HUNK: variants seen among roughly 807,000 people sequenced by gnomAD.
HUNK encodes hormonally up-regulated neu tumor-associated kinase.
A neutral mutation model predicts 61.0 loss-of-function variants in HUNK; 21 were observed. That is an observed-to-expected ratio of 0.34 (90% confidence interval 0.24 to 0.50). The LOEUF (loss-of-function observed/expected upper bound fraction) is 0.50. Ranked by LOEUF, HUNK falls within the 20% of genes least tolerant of loss-of-function variation. The pLI is 0.98. For missense variants in HUNK, 772 were observed against 945.7 expected, an observed-to-expected ratio of 0.82 and a Z score of 2.41; for synonymous variants, 371 against 386.1, an observed-to-expected ratio of 0.96 and a Z score of 0.46.
chr21:31,976,459 C>CTTTTTTTTTTTTT (rs34950116), intron 7 of HUNK, among the ~76,000 whole-genome samples: 1 of 63,610 alleles, frequency 1.6e-5, no homozygotes. Context: ...TTTTTTGAGA[C>CTTTTTTTTTTTTT]TTTTTTTTTT....
At chr21:31,965,058 T>G (rs1307937544) in intron 5 of HUNK, among the ~76,000 whole-genome samples, 1 of 152,088 alleles carries the variant, frequency 6.6e-6, no homozygotes, top group Non-Finnish European at 1.5e-5. Flanking sequence ...CCAGTTAAGA[T>G]CTAAATGACT....
chr21:31,989,435 C>G (rs2053156131), intron 8 of HUNK, among the ~76,000 whole-genome samples: 1 of 152,158 alleles, frequency 6.6e-6, no homozygotes, highest in Non-Finnish European at 1.5e-5. Context: ...AGTTACTTGG[C>G]CGGGCTCAGT....
intron 5 of HUNK, 122 bp downstream of exon 5, chr21:31,959,092 T>C (rs1156866440): frequency 5.7e-6 from 6 of 1,051,634 alleles, no homozygotes; most frequent in Non-Finnish European, 6.5e-6. Context: ...GTTATAAGTT[T>C]CTTTCTAGTG....
intron 1 of HUNK, among the ~76,000 whole-genome samples, chr21:31,880,349 A>G (rs1238924320): frequency 6.6e-6 from 1 of 152,128 alleles, no homozygotes; most frequent in African/African-American, 2.4e-5. Context: ...GGCTTCAACA[A>G]CAGAAATTTA....
At chr21:31,974,450 G>C (rs1194706411) in intron 6 of HUNK, 105 bp from the exon 7 acceptor site, 1 of 1,069,282 alleles carries the variant, frequency 9.4e-7, no homozygotes, top group Non-Finnish European at 1.3e-6. Flanking sequence ...ACTCAAGTCA[G>C]TGAATGAATG....
chr21:31,987,969 C>T (rs966189602), intron 8 of HUNK, among the ~76,000 whole-genome samples: 1 of 152,172 alleles, frequency 6.6e-6, no homozygotes, highest in African/African-American at 2.4e-5. Flanking sequence ...GTCATCAACC[C>T]GTGTCCCGGG....
chr21:32,001,016 A>T lies in HUNK; in HGVS notation c.*1832A>T. 3.4e-6 allele frequency: 1 copy of T among 295,488 alleles called. No homozygotes were observed. The highest frequency in any genetic ancestry group is 5.5e-5 in the East Asian group (1 of 18,330). The allele number at this position is 295,488 out of a possible 1,614,324, so 18.3% of individuals were successfully genotyped here. On this transcript the variant is annotated 3_prime_UTR_variant, in exon 11 of 11. Coordinates refer to ENST00000270112, the MANE Select transcript of HUNK (RefSeq NM_014586.2). ...GCCAGGTGTGGTGGCTCACACCTGT[A>T]ATCCCAGCACTTTGGGAGGCCGAGG...
chr21:31,946,224 C>A, intron 4 of HUNK, 53 bp downstream of exon 4: 1 of 1,561,276 alleles, frequency 6.4e-7, no homozygotes, highest in Non-Finnish European at 8.8e-7. Context: ...CTCCACCGTG[C>A]CTTCCTTATG....
rs2053228235 is a variant in HUNK at position 31,999,102 on chromosome 21, A to T, written c.2063A>T (p.Glu688Val). 1 of 1,614,046 alleles carries T rather than the reference A, an allele frequency of 6.2e-7. No homozygotes were observed. The highest frequency in any genetic ancestry group is 1.3e-5 in the African/African-American group (1 of 74,930). Residue 688 changes from glutamate (E) to valine (V), a missense_variant, in exon 11 of 11, where the codon GAG (glutamate) becomes GTG (valine). Physicochemically the swap from Glu to Val is moderately radical, Grantham distance 121 (BLOSUM62 -2). Around this residue, in one of 2 missense-constraint regions of HUNK, gnomAD observed 413 missense variants for 444.4 expected, o/e 0.93. Coordinates refer to ENST00000270112, the MANE Select transcript of HUNK (RefSeq NM_014586.2). The part of the protein sequence containing the change: ...SLQPSADRPL[E>V]ASLPPLQPLA... ...CAGCCATCTGCAGATAGGCCCCTGG[A>T]GGCCAGCCTGCCCCCACTGCAGCCC...
intron 4 of HUNK, among the ~76,000 whole-genome samples, chr21:31,950,643 G>T (rs1265646557): frequency 6.6e-6 from 1 of 152,112 alleles, no homozygotes; most frequent in Non-Finnish European, 1.5e-5. Flanking sequence ...TAAACTTGGG[G>T]TCTGATTTTG....
intron 5 of HUNK, among the ~76,000 whole-genome samples, chr21:31,962,506 A>G (rs1204961646): frequency 6.6e-6 from 1 of 152,236 alleles, no homozygotes; most frequent in South Asian, 2.1e-4. Context: ...CAAAGGAGAC[A>G]TATTAAAAAT....
intron 1 of HUNK, among the ~76,000 whole-genome samples, chr21:31,914,438 G>A (rs58840161): frequency 0.098 from 6,385 of 64,890 alleles, 235 homozygotes; most frequent in African/African-American, 0.13. Context: ...AAAAAAAAAA[G>A]ACCCGGCCCT....
chr21:31,907,265 GA>G (rs1274009581), intron 1 of HUNK, among the ~76,000 whole-genome samples: 20 of 151,348 alleles, frequency 1.3e-4, no homozygotes, highest in South Asian at 2.1e-4. Flanking sequence ...GTCATAGTAT[GA>G]AAAAAAAATG....
At chr21:31,900,003 G>C (rs998518420) in intron 1 of HUNK, among the ~76,000 whole-genome samples, 2 of 152,012 alleles carry the variant, frequency 1.3e-5, no homozygotes, top group Non-Finnish European at 2.9e-5. Context: ...TTGAACTCCT[G>C]ACCTCAAGTG....
intron 1 of HUNK, among the ~76,000 whole-genome samples, chr21:31,911,752 G>A (rs1357199789): frequency 6.6e-6 from 1 of 151,950 alleles, no homozygotes; most frequent in Non-Finnish European, 1.5e-5. Context: ...GGGGGCGTGT[G>A]GGGGCTGGTG....
Position 31,968,470 on chromosome 21 carries a change from C to T in HUNK, c.1010+85C>T, listed in dbSNP as rs114834876. 2.4e-5 allele frequency: 36 copies of T among 1,525,634 alleles called. No individual in the cohort carries two copies. In the African/African-American group the frequency reaches 2.5e-4, roughly 10 times the overall value. 94.5% of individuals were successfully genotyped at this position (1,525,634 alleles called of 1,614,324 possible). On this transcript the variant is annotated intron_variant, in intron 6 of 10. Coordinates refer to ENST00000270112, the MANE Select transcript of HUNK (RefSeq NM_014586.2). ...GAGCAGTTCCGGACAGAAAGCTGTCCGTGATTGAAGGAAAAGCCGCGCTCT... is the reference window on the plus strand; with the variant it reads ...GAGCAGTTCCGGACAGAAAGCTGTCTGTGATTGAAGGAAAAGCCGCGCTCT...
intron 1 of HUNK, among the ~76,000 whole-genome samples, chr21:31,895,868 A>AC (rs547433713): frequency 6.6e-6 from 1 of 152,070 alleles, no homozygotes; most frequent in African/African-American, 2.4e-5. Flanking sequence ...CTGAATTATG[A>AC]CCCCCAACCA....
At chr21:31,912,330 G>A (rs2052552136) in intron 1 of HUNK, among the ~76,000 whole-genome samples, 1 of 152,138 alleles carries the variant, frequency 6.6e-6, no homozygotes, top group Non-Finnish European at 1.5e-5. Flanking sequence ...AATGGGCCTG[G>A]CCTTGAAAAA....
chr21:31,918,968 C>T (rs2052603926), intron 1 of HUNK, among the ~76,000 whole-genome samples: 1 of 149,020 alleles, frequency 6.7e-6, no homozygotes, highest in African/African-American at 2.5e-5. Context: ...AGGGGCTGGA[C>T]TGAGCGGTAT....
Sources: allele counts gnomAD v4.1 joint callset (sites outside exome capture counted in the v4.1 genomes callset), GRCh38; gene constraint gnomAD v4.1.1; regional missense constraint gnomAD v4.1.1; transcripts MANE v1.5; gene names NCBI Gene and HGNC (gene_info 2026-07-23, HGNC 2026-07-21).